The following GATAD2A variants were observed in gnomAD, a reference collection of about 807,000 sequenced individuals.
GATAD2A encodes the protein transcriptional repressor p66-alpha.
Under a neutral mutation model 68.5 loss-of-function variants are expected in GATAD2A, and 12 were observed. The ratio of observed to expected loss-of-function variants is 0.18; its 90% CI spans 0.11 to 0.28. GATAD2A has a LOEUF of 0.28. Ranked by LOEUF, GATAD2A falls within the 10% of genes least tolerant of loss-of-function variation. The probability of loss-of-function intolerance (pLI) is 1.00; values close to 1 mark genes in which losing one functional copy is unlikely to be tolerated. For missense variants in GATAD2A, 755 were observed against 868.5 expected (o/e 0.87, Z 1.64); for synonymous variants, 410 against 375.3 (o/e 1.09, Z -1.07).
At chr19:19,444,209 C>A (rs79850010) in intron 1 of GATAD2A, among the ~76,000 whole-genome samples, 3 of 152,218 alleles carry the variant, frequency 2.0e-5, no homozygotes, top group African/African-American at 7.2e-5. Flanking sequence ...GAAAACCATT[C>A]TCCCCTCCCC....
At chr19:19,418,767 G>A (rs2051962216) in intron 1 of GATAD2A, among the ~76,000 whole-genome samples, 1 of 152,094 alleles carries the variant, frequency 6.6e-6, no homozygotes, top group Admixed American at 6.6e-5. Flanking sequence ...TAGCTCTTTT[G>A]GCAGAGTTTG....
At chr19:19,483,177 G>A (rs1275962284) in intron 2 of GATAD2A, among the ~76,000 whole-genome samples, 1 of 152,220 alleles carries the variant, frequency 6.6e-6, no homozygotes, top group African/African-American at 2.4e-5. Flanking sequence ...TCTGTACTGG[G>A]GAAAGGAGAG....
At chr19:19,410,640 T>C (rs1482788000) in intron 1 of GATAD2A, among the ~76,000 whole-genome samples, 1 of 152,184 alleles carries the variant, frequency 6.6e-6, no homozygotes, top group Non-Finnish European at 1.5e-5. Flanking sequence ...TGCTGCATTA[T>C]GGTGGCACAG....
Position 19,501,266 on chromosome 19 carries a change from C to G in GATAD2A, c.1353C>G (p.Leu451=), listed in dbSNP as rs2060503941. 6.2e-7 allele frequency: 1 copy of G among 1,613,260 alleles called. No homozygotes were observed. Among genetic ancestry groups the G allele is most frequent in the South Asian group, 1.1e-5 (1 of 91,084 alleles). Residue 451 remains leucine (L), a synonymous_variant, in exon 9 of 12, where the codon CTC becomes CTG. Coordinates refer to ENST00000683918, the MANE Select transcript of GATAD2A (RefSeq NM_001384528.1). Reference sequence around the variant, plus strand: ...TGACAACCAACCAGAAGAAGGCGCTCAAGGTGGAGCACACCAGCCGGCTGA... The same window carrying G: ...TGACAACCAACCAGAAGAAGGCGCTGAAGGTGGAGCACACCAGCCGGCTGA... The part of the protein sequence containing the change: ...NCMTTNQKKA[L]KVEHTSRLKA...
At chr19:19,474,278 T>A in intron 2 of GATAD2A, 2 of 443,000 alleles carry the variant, frequency 4.5e-6, no homozygotes, top group Non-Finnish European at 6.0e-6. Context: ...GGGGCTCTCC[T>A]GGTGTGCCCG....
chr19:19,495,421 G>A (rs1197391820), intron 5 of GATAD2A, among the ~76,000 whole-genome samples: 1 of 152,024 alleles, frequency 6.6e-6, no homozygotes, highest in African/African-American at 2.4e-5. Context: ...CAATTCTCCT[G>A]CCTCAGCCTT....
rs1600112328 is a variant in GATAD2A at position 19,434,519 on chromosome 19, A to T, written c.-7+28500A>T. Reference sequence around the variant, plus strand: ...GTTTCTCGCCATCCATCAGCTGTGAATTGCCGTGAACCTAGTTTAAAAATA... The same window carrying T: ...GTTTCTCGCCATCCATCAGCTGTGATTTGCCGTGAACCTAGTTTAAAAATA... On this transcript the variant is annotated intron_variant, in intron 1 of 11. Coordinates refer to ENST00000683918, the MANE Select transcript of GATAD2A (RefSeq NM_001384528.1). 2.0e-5 allele frequency among the ~76,000 whole-genome samples: 3 copies of T among 152,262 alleles called. No individual in the cohort carries two copies. In the East Asian group the frequency reaches 5.8e-4, roughly 29 times the overall value.
intron 2 of GATAD2A, among the ~76,000 whole-genome samples, chr19:19,489,044 T>C (rs1043265387): frequency 3.3e-5 from 5 of 152,272 alleles, no homozygotes; most frequent in African/African-American, 1.2e-4. Flanking sequence ...TGCAATCATT[T>C]TGAGCCACAT....
At chr19:19,477,921 C>T (rs527263387) in intron 2 of GATAD2A, among the ~76,000 whole-genome samples, 2 of 152,308 alleles carry the variant, frequency 1.3e-5, no homozygotes, top group East Asian at 3.9e-4. Flanking sequence ...CATAGGGCGT[C>T]GCCCGCTTTC....
upstream of GATAD2A, among the ~76,000 whole-genome samples, chr19:19,401,212 C>CTTTTTT (rs1187049852): frequency 3.3e-5 from 3 of 91,828 alleles, no homozygotes; most frequent in Non-Finnish European, 4.2e-5. Flanking sequence ...AAAAACTTGG[C>CTTTTTT]TTTTTTTTTT....
At chr19:19,443,956 C>G (rs927438905) in intron 1 of GATAD2A, among the ~76,000 whole-genome samples, 1 of 152,072 alleles carries the variant, frequency 6.6e-6, no homozygotes, top group African/African-American at 2.4e-5. Context: ...CTTACACACT[C>G]TTATTTTCTG....
At chr19:19,400,444 G>A (rs551112735) in intron 1 of GATAD2A, among the ~76,000 whole-genome samples, 2 of 152,070 alleles carry the variant, frequency 1.3e-5, no homozygotes, top group South Asian at 2.1e-4. Flanking sequence ...CAGCATAAAC[G>A]ATGGTGATGG....
intron 2 of GATAD2A, chr19:19,472,728 G>A (rs1392284688): frequency 1.3e-5 from 2 of 152,068 alleles, no homozygotes; most frequent in East Asian, 1.9e-4. Flanking sequence ...AAGGACTGAG[G>A]GTCCCTCAGT....
At position 19,508,531 on chromosome 19, in the gene GATAD2A, C is replaced by CAGGGGAGAG. The variant is rs2060964118; in HGVS notation, c.*3059_*3067dup. ...CCTGCTCTCCTATTGGACGTAGAGG[C>CAGGGGAGAG]AGGGGAGAGACTTCTCTATACAAAT... On this transcript the variant is annotated 3_prime_UTR_variant, in exon 12 of 12. Coordinates refer to ENST00000683918, the MANE Select transcript of GATAD2A (RefSeq NM_001384528.1). 1 of 152,254 alleles carries CAGGGGAGAG rather than the reference C, an allele frequency of 6.6e-6. No homozygotes were observed. The highest frequency in any genetic ancestry group is 6.5e-5 in the Admixed American group (1 of 15,286). 9.4% of individuals were successfully genotyped at this position (152,254 alleles called of 1,614,324 possible).
At chr19:19,476,113 C>T (rs1047350173) in intron 2 of GATAD2A, among the ~76,000 whole-genome samples, 2 of 152,210 alleles carry the variant, frequency 1.3e-5, no homozygotes, top group African/African-American at 2.4e-5. Context: ...GGGCTTCTCT[C>T]TTGGACAGTG....
At chr19:19,485,620 C>T (rs1426930645) in intron 2 of GATAD2A, among the ~76,000 whole-genome samples, 1 of 152,208 alleles carries the variant, frequency 6.6e-6, no homozygotes. Flanking sequence ...GTGACCTCAC[C>T]TGAAAAGGCT....
rs376942124 is a variant in GATAD2A, at chr19:19,419,101, G to T, written c.-7+13082G>T. 5.9e-5 allele frequency among the ~76,000 whole-genome samples: 9 copies of T among 152,208 alleles called. No individual in the cohort carries two copies. The East Asian group carries it at 7.7e-4, about 13-fold the overall frequency. Reference sequence around the variant, plus strand: ...CCAGGGAACCCGTCCCCTCCCCCTGGTCTGTGCCTGCTCTGCTCATTGCCT... The same window carrying T: ...CCAGGGAACCCGTCCCCTCCCCCTGTTCTGTGCCTGCTCTGCTCATTGCCT... On this transcript the variant is annotated intron_variant, in intron 1 of 11. Transcript: ENST00000683918.
At chr19:19,498,299 A>C (rs1042840184) in intron 7 of GATAD2A, 144 bp from the exon 8 acceptor site, 2 of 702,468 alleles carry the variant, frequency 2.8e-6, no homozygotes, top group African/African-American at 3.6e-5. Flanking sequence ...GCCTGTTATC[A>C]TGGCTGGGTT....
At chr19:19,482,970 G>T (rs927679246) in intron 2 of GATAD2A, among the ~76,000 whole-genome samples, 6 of 152,088 alleles carry the variant, frequency 3.9e-5, no homozygotes, top group African/African-American at 1.4e-4. Flanking sequence ...AAGCTATTCT[G>T]CACGCCCCCG....
Sources: gnomAD v4.1 joint callset for allele counts (sites outside exome capture counted in the v4.1 genomes callset) on GRCh38, gnomAD v4.1.1 for gene constraint, MANE v1.5 for transcripts, NCBI Gene and HGNC (gene_info 2026-07-23, HGNC 2026-07-21) for gene names.